Variants in SLC17A1 observed in about 807,000 individuals in gnomAD.
SLC17A1 encodes the protein solute carrier family 17 member 1, also known as sodium-dependent phosphate transport protein 1.
SLC17A1 carries 51 observed loss-of-function variants against 53.5 expected under a neutral mutation model. That is an observed-to-expected ratio of 0.95 (90% confidence interval 0.76 to 1.20). The LOEUF (loss-of-function observed/expected upper bound fraction) is 1.20, where lower values mean the gene tolerates loss of function less well. SLC17A1 is among the 50% of genes most tolerant of loss of function. The probability of loss-of-function intolerance (pLI) is 0.00; values close to 1 mark genes in which losing one functional copy is unlikely to be tolerated. For missense variants in SLC17A1, 538 were observed against 568.2 expected (o/e 0.95, Z 0.54); for synonymous variants, 179 against 198.8 (o/e 0.90, Z 0.84).
rs540644008 is a variant in SLC17A1, at chr6:25,813,207, C to T, written c.623G>A (p.Cys208Tyr). ...WPMVFYIFGA[C>Y]GCAVCLLWFV... is the part of the protein sequence containing the mutation. ...CCAGAGAAGACATACGGCACAGCCA[C>T]AAGCACCTATCAAAGCAGGGTAAGT... The change falls in exon 7 of 13, where the codon TGT becomes TAT. Residue 208 changes from cysteine (C) to tyrosine (Y), a missense_variant. Coordinates refer to ENST00000244527, the MANE Select transcript of SLC17A1 (RefSeq NM_005074.5). The T allele has an allele frequency of 6.2e-7, 1 of 1,613,678 alleles. No homozygotes were observed. Among genetic ancestry groups the T allele is most frequent in the African/African-American group, 1.3e-5 (1 of 75,042 alleles).
intron 3 of SLC17A1, among the ~76,000 whole-genome samples, chr6:25,821,673 TA>T (rs1764567475): frequency 2.0e-5 from 3 of 152,030 alleles, no homozygotes; most frequent in African/African-American, 7.3e-5. Flanking sequence ...ATGTAGAAAA[TA>T]AAAAAAGTTC....
intron 12 of SLC17A1, among the ~76,000 whole-genome samples, chr6:25,797,559 C>A (rs530058477): frequency 1.3e-5 from 2 of 151,618 alleles, no homozygotes; most frequent in East Asian, 3.9e-4. Context: ...ATTTAAAAAT[C>A]TGTTATGTCA....
intron 2 of SLC17A1, among the ~76,000 whole-genome samples, chr6:25,826,842 A>G (rs1370784361): frequency 6.6e-6 from 1 of 152,164 alleles, no homozygotes; most frequent in African/African-American, 2.4e-5. Flanking sequence ...ATTTCCAGCT[A>G]GAAGTTCCAA....
At chr6:25,766,659 C>T in the SLC17A1 span, among the ~76,000 whole-genome samples, 1 of 152,160 alleles carries the variant, frequency 6.6e-6, no homozygotes, top group South Asian at 2.1e-4. Flanking sequence ...AGTTTACCTC[C>T]ATGGCCTTCC....
the SLC17A1 span, chr6:25,732,656 A>G: frequency 7.5e-7 from 1 of 1,324,814 alleles, no homozygotes; most frequent in Non-Finnish European, 1.1e-6. Context: ...GAACAAGAAG[A>G]AGACCCGCAT....
chr6:25,770,444 A>G, the SLC17A1 span: 2 of 1,613,996 alleles, frequency 1.2e-6, no homozygotes, highest in African/African-American at 2.7e-5. Flanking sequence ...ACTGGAAAGG[A>G]GTCAACTCAC....
chr6:25,765,408 C>T, the SLC17A1 span, among the ~76,000 whole-genome samples: 7 of 152,230 alleles, frequency 4.6e-5, no homozygotes, highest in Non-Finnish European at 1.0e-4. Flanking sequence ...TGAAGTAACA[C>T]ATCTTAATCA....
the SLC17A1 span, among the ~76,000 whole-genome samples, chr6:25,733,139 T>C: frequency 1.3e-5 from 2 of 152,160 alleles, no homozygotes; most frequent in African/African-American, 2.4e-5. Flanking sequence ...CTACTTCAGG[T>C]AGGCAGAGCA....
the SLC17A1 span, chr6:25,726,691 T>A: frequency 1.9e-6 from 2 of 1,077,510 alleles, no homozygotes; most frequent in South Asian, 3.2e-5. Context: ...TCACGCCACT[T>A]CCCATTGTCC....
At chr6:25,784,902 G>T (rs1404802120) in intron 12 of SLC17A1, among the ~76,000 whole-genome samples, 4 of 152,204 alleles carry the variant, frequency 2.6e-5, no homozygotes, top group East Asian at 1.9e-4. Context: ...TATACTAGGG[G>T]TTCTATACAG....
intron 3 of SLC17A1, among the ~76,000 whole-genome samples, chr6:25,823,906 A>G (rs1348622819): frequency 2.6e-5 from 4 of 151,974 alleles, no homozygotes; most frequent in Non-Finnish European, 4.4e-5. Context: ...CGTTATTACT[A>G]TAACTCTGTG....
chr6:25,768,864 A>C, the SLC17A1 span: 2 of 888,910 alleles, frequency 2.2e-6, no homozygotes, highest in Non-Finnish European at 1.8e-6. Context: ...CTACAGAGGA[A>C]TGTCTGCTCT....
the SLC17A1 span, chr6:25,777,618 A>C: frequency 1.3e-4 from 32 of 239,442 alleles, 1 homozygote; most frequent in Middle Eastern, 1.3e-3. Context: ...AAAACCTTAC[A>C]AACCAGGTGC....
At chr6:25,813,736 C>G (rs1402301202) in intron 6 of SLC17A1, among the ~76,000 whole-genome samples, 1 of 152,154 alleles carries the variant, frequency 6.6e-6, no homozygotes, top group Non-Finnish European at 1.5e-5. Flanking sequence ...CACCCTCTAC[C>G]CAGTGGTAGA....
intron 1 of SLC17A1, among the ~76,000 whole-genome samples, chr6:25,831,599 C>T (rs926857863): frequency 2.0e-5 from 3 of 152,002 alleles, no homozygotes; most frequent in Admixed American, 6.6e-5. Flanking sequence ...CATATAAATA[C>T]GTTACAATAC....
chr6:25,727,209 C>T, the SLC17A1 span: 30 of 1,613,820 alleles, frequency 1.9e-5, no homozygotes, highest in Non-Finnish European at 2.4e-5. Context: ...GACAGCAGTG[C>T]GCTTGCTACT....
chr6:25,827,523 C>A (rs1410627100), intron 2 of SLC17A1, among the ~76,000 whole-genome samples: 1 of 152,032 alleles, frequency 6.6e-6, no homozygotes, highest in Admixed American at 6.6e-5. Flanking sequence ...CAAAAACAGG[C>A]AAAGTTAATC....
At chr6:25,745,296 G>C in the SLC17A1 span, among the ~76,000 whole-genome samples, 1 of 152,092 alleles carries the variant, frequency 6.6e-6, no homozygotes, top group African/African-American at 2.4e-5. Context: ...ACTTTAACTT[G>C]CAAGTGGTAC....
At chr6:25,743,203 A>G in the SLC17A1 span, among the ~76,000 whole-genome samples, 1 of 152,240 alleles carries the variant, frequency 6.6e-6, no homozygotes, top group African/African-American at 2.4e-5. Context: ...AAGGAGTAAC[A>G]ATTTAAACCA....
Sources: gnomAD v4.1 joint callset for allele counts (sites outside exome capture counted in the v4.1 genomes callset) on GRCh38, gnomAD v4.1.1 for gene constraint, MANE v1.5 for transcripts, NCBI Gene and HGNC (gene_info 2026-07-23, HGNC 2026-07-21) for gene names.